The following PREX1 variants were observed in gnomAD, a reference collection of about 807,000 sequenced individuals.
PREX1 encodes the protein phosphatidylinositol-3,4,5-trisphosphate dependent Rac exchange factor 1, also known as phosphatidylinositol 3,4,5-trisphosphate-dependent Rac exchanger 1 protein.
In PREX1, 41 loss-of-function variants were observed where a neutral mutation model predicts 198.3. The observed-to-expected ratio is 0.21, with a 90% CI of 0.16 to 0.27. The LOEUF (loss-of-function observed/expected upper bound fraction) is 0.27, where lower values mean the gene tolerates loss of function less well. Among genes scored for constraint, PREX1 ranks in the 10% least tolerant of loss-of-function variants. The pLI is 1.00. For missense variants in PREX1, 1,620 were observed against 2,200.7 expected (o/e 0.74, Z 5.28); for synonymous variants, 843 against 887.2 (o/e 0.95, Z 0.89).
chr20:48,633,017 T>C (rs2089328123), intron 33 of PREX1, among the ~76,000 whole-genome samples: 1 of 152,216 alleles, frequency 6.6e-6, no homozygotes, highest in South Asian at 2.1e-4. Context: ...CGGTAGCCCA[T>C]GGCCCCTGCC....
At chr20:48,701,280 C>T (rs548294742) in intron 6 of PREX1, among the ~76,000 whole-genome samples, 3 of 152,100 alleles carry the variant, frequency 2.0e-5, no homozygotes, top group East Asian at 1.9e-4. Flanking sequence ...GGCGCGATCT[C>T]GGCTCCCTGC....
intron 1 of PREX1, among the ~76,000 whole-genome samples, chr20:48,790,380 C>T (rs578122039): frequency 2.0e-5 from 3 of 151,622 alleles, no homozygotes; most frequent in African/African-American, 7.3e-5. Flanking sequence ...AAAGTAGGAA[C>T]GGAAGAGAGG....
the PREX1 span, among the ~76,000 whole-genome samples, chr20:48,865,568 T>C: frequency 6.6e-6 from 1 of 152,212 alleles, no homozygotes; most frequent in Non-Finnish European, 1.5e-5. Flanking sequence ...GCAGGGGCTC[T>C]GTCTATAGAG....
chr20:48,655,286 T>G lies in PREX1; in HGVS notation c.2209+4A>C, dbSNP rs1174041613. On this transcript the variant is annotated splice_donor_region_variant and intron_variant, in intron 19 of 39. Coordinates refer to ENST00000371941, the MANE Select transcript of PREX1 (RefSeq NM_020820.4). ...TTCCCCTCTCTCCCAAGGCTCCCAC[T>G]CACCTCTCCCCACAGCATAGACGTA... 6.4e-7 allele frequency: 1 copy of G among 1,560,414 alleles called. No homozygotes were observed. The highest frequency in any genetic ancestry group is 8.8e-7 in the Non-Finnish European group (1 of 1,136,194).
the PREX1 span, among the ~76,000 whole-genome samples, chr20:48,843,006 T>A: frequency 0.017 from 2,589 of 152,250 alleles, 31 homozygotes; most frequent in Non-Finnish European, 0.024. Flanking sequence ...ATTTTTTGAA[T>A]AAATGAATTA....
chr20:48,659,770 G>C (rs2122935782), intron 16 of PREX1, 149 bp downstream of exon 16: 1 of 1,090,548 alleles, frequency 9.2e-7, no homozygotes, highest in East Asian at 2.6e-5. Context: ...CTGGCTTCTT[G>C]GCAGAGTTGC....
chr20:48,806,373 T>C (rs1283883821), intron 1 of PREX1, among the ~76,000 whole-genome samples: 1 of 152,224 alleles, frequency 6.6e-6, no homozygotes, highest in African/African-American at 2.4e-5. Context: ...AGGGTTTATG[T>C]GACCCAATAT....
Position 48,677,327 on chromosome 20 carries a change from G to A in PREX1, c.1590-1059C>T, listed in dbSNP as rs2089716331. 4.6e-5 allele frequency among the ~76,000 whole-genome samples: 7 copies of A among 152,164 alleles called. No homozygotes were observed. The South Asian group carries it at 1.4e-3, about 31-fold the overall frequency. Reference sequence around the variant, plus strand: ...CATCCCACGGGGCCAGCAAATGCTAGGAAATGGTCCTTCCTCTCCACTCTT... The same window carrying A: ...CATCCCACGGGGCCAGCAAATGCTAAGAAATGGTCCTTCCTCTCCACTCTT... On this transcript the variant is annotated intron_variant, in intron 13 of 39. Coordinates refer to ENST00000371941, the MANE Select transcript of PREX1 (RefSeq NM_020820.4).
chr20:48,731,909 C>A (rs2090036380), intron 4 of PREX1, among the ~76,000 whole-genome samples: 1 of 152,204 alleles, frequency 6.6e-6, no homozygotes, highest in Non-Finnish European at 1.5e-5. Context: ...CTGCACACAC[C>A]TTCCTGGCAT....
intron 3 of PREX1, among the ~76,000 whole-genome samples, chr20:48,740,602 G>A (rs181972013): frequency 3.9e-4 from 60 of 152,308 alleles, no homozygotes; most frequent in Admixed American, 3.6e-3. Context: ...TGTGCAAATC[G>A]CCAGCTTCCA....
rs1401737223 is a variant in PREX1 at position 48,629,631 on chromosome 20, G to T, written c.4594-10C>A. 1 of 1,612,920 alleles carries T rather than the reference G, an allele frequency of 6.2e-7. No homozygotes were observed. Among genetic ancestry groups the T allele is most frequent in the African/African-American group, 1.3e-5 (1 of 74,862 alleles). ...TGATGGGGCGGATCAGCTGTAGGGG[G>T]TACCACACATAACCGGGGAGTTGGA... On this transcript the variant is annotated splice_polypyrimidine_tract_variant and intron_variant, in intron 36 of 39. Coordinates refer to ENST00000371941, the MANE Select transcript of PREX1 (RefSeq NM_020820.4).
chr20:48,837,067 G>A, the PREX1 span, among the ~76,000 whole-genome samples: 22 of 152,230 alleles, frequency 1.4e-4, no homozygotes, highest in African/African-American at 5.3e-4. Flanking sequence ...CTGAAGCATA[G>A]GAAAATACTT....
rs2089418961 is a variant in PREX1 at position 48,642,172 on chromosome 20, T to C, written c.3771A>G (p.Leu1257=). The change falls in exon 29 of 40, where the codon TTA becomes TTG. Residue 1257 remains leucine, a synonymous_variant. Coordinates refer to ENST00000371941, the MANE Select transcript of PREX1 (RefSeq NM_020820.4). ...TTGGACTGGCTATCCCCTCACCTTG[T>C]AAGCTGTGGTTCATAGGGAAATGCT... ...ETKHFPMNHS[L]QEFKQKEECT... is the part of the protein sequence containing the mutation. The C allele has an allele frequency of 3.7e-6, 6 of 1,613,946 alleles. No individual in the cohort carries two copies. Among genetic ancestry groups the C allele is most frequent in the African/African-American group, 1.3e-5 (1 of 74,948 alleles).
intron 4 of PREX1, among the ~76,000 whole-genome samples, chr20:48,730,203 A>ACC (rs891646871): frequency 3.3e-5 from 5 of 151,142 alleles, no homozygotes; most frequent in Non-Finnish European, 5.9e-5. Context: ...TGCAAACAAG[A>ACC]CCCTCCCTGG....
chr20:48,816,385 G>T (rs1168860883), intron 1 of PREX1, among the ~76,000 whole-genome samples: 2 of 152,308 alleles, frequency 1.3e-5, no homozygotes, highest in South Asian at 2.1e-4. Flanking sequence ...CCCATTTCAT[G>T]TAAGTGGGAC....
intron 1 of PREX1, among the ~76,000 whole-genome samples, chr20:48,818,089 G>A (rs897365616): frequency 3.3e-5 from 5 of 152,192 alleles, no homozygotes; most frequent in East Asian, 1.9e-4. Context: ...GCTGAGCCAC[G>A]GGGACACTGG....
chr20:48,652,913 G>T (rs956454867), intron 20 of PREX1, among the ~76,000 whole-genome samples: 1 of 152,274 alleles, frequency 6.6e-6, no homozygotes, highest in South Asian at 2.1e-4. Flanking sequence ...GTGCAGACAC[G>T]TCTCTCCTGT....
chr20:48,723,830 G>A (rs1050024850), intron 5 of PREX1, among the ~76,000 whole-genome samples: 3 of 152,118 alleles, frequency 2.0e-5, no homozygotes, highest in African/African-American at 4.8e-5. Flanking sequence ...GCCTCACATC[G>A]AGCCTAGAGT....
Position 48,660,013 on chromosome 20 carries a change from T to A in PREX1, c.1787A>T (p.His596Leu). Reference protein sequence around the residue: ...FRDESQYFRFHADEEMEGTSS... With the variant: ...FRDESQYFRFLADEEMEGTSS... ...GGTCCCCTCCATCTCCTCGTCAGCA[T>A]GAAAGCGGAAGTACTGGGACTCATC... Residue 596 changes from histidine to leucine, a missense_variant, in exon 16 of 40, where the codon CAT (histidine) becomes CTT (leucine). Around this residue, in one of 7 missense-constraint regions of PREX1, gnomAD observed 488 missense variants for 802.5 expected, o/e 0.61. Transcript: ENST00000371941. The A allele has an allele frequency of 6.2e-7, 1 of 1,614,210 alleles. No individual in the cohort carries two copies. The highest frequency in any genetic ancestry group is 8.5e-7 in the Non-Finnish European group (1 of 1,180,040).
Sources: allele counts gnomAD v4.1 joint callset (sites outside exome capture counted in the v4.1 genomes callset), GRCh38; gene constraint gnomAD v4.1.1; regional missense constraint gnomAD v4.1.1; transcripts MANE v1.5; gene names NCBI Gene and HGNC (gene_info 2026-07-23, HGNC 2026-07-21).